The following CLOCK variants were observed in gnomAD, a reference collection of about 807,000 sequenced individuals.
CLOCK encodes the protein circadian locomoter output cycles protein kaput.
In CLOCK, 43 loss-of-function variants were observed where a neutral mutation model predicts 118.4. The ratio of observed to expected loss-of-function variants is 0.36; its 90% CI spans 0.28 to 0.47. CLOCK has a LOEUF of 0.47. CLOCK is among the 20% of genes least tolerant of loss of function. CLOCK has a pLI of 1.00. For missense variants in CLOCK, 846 were observed against 999.9 expected (o/e 0.85, Z 2.08); for synonymous variants, 326 against 339.2 (o/e 0.96, Z 0.43).
intron 1 of CLOCK, among the ~76,000 whole-genome samples, chr4:55,531,343 T>C (rs1176385173): frequency 6.6e-6 from 1 of 151,736 alleles, no homozygotes; most frequent in Non-Finnish European, 1.5e-5. Flanking sequence ...AATCAAGAAA[T>C]AAAAGCAGAT....
At chr4:55,464,581 C>T (rs1400599126) in intron 8 of CLOCK, among the ~76,000 whole-genome samples, 1 of 152,142 alleles carries the variant, frequency 6.6e-6, no homozygotes, top group Admixed American at 6.5e-5. Context: ...ATCTCAAGGC[C>T]TGTAAAGGTA....
At chr4:55,438,099 G>T (rs543777289) in intron 22 of CLOCK, among the ~76,000 whole-genome samples, 183 bp downstream of exon 22, 3 of 152,252 alleles carry the variant, frequency 2.0e-5, no homozygotes, top group Admixed American at 1.3e-4. Flanking sequence ...GTCTTCCAAC[G>T]ACTGAGCAAG....
Position 55,433,683 on chromosome 4 carries a change from T to C in CLOCK, c.*1732A>G, listed in dbSNP as rs988079397. ...ATTCTAATAATGTATTTTCTACTAA[T>C]CCTCTTTTGTTCTATCACTGTAAAT... On this transcript the variant is annotated 3_prime_UTR_variant, in exon 23 of 23. Coordinates refer to ENST00000513440, the MANE Select transcript of CLOCK (RefSeq NM_004898.4). The C allele has an allele frequency of 1.3e-5, 2 of 152,230 alleles. No homozygotes were observed. The highest frequency in any genetic ancestry group is 4.8e-5 in the African/African-American group (2 of 41,472). The allele number at this position is 152,230 out of a possible 1,614,324, so 9.4% of individuals were successfully genotyped here.
At chr4:55,445,190 T>C (rs1723706622) in intron 18 of CLOCK, among the ~76,000 whole-genome samples, 1 of 79,610 alleles carries the variant, frequency 1.3e-5, no homozygotes, top group African/African-American at 3.5e-5. Flanking sequence ...CCCTGAAATG[T>C]AATTTAGTAT....
intron 2 of CLOCK, among the ~76,000 whole-genome samples, chr4:55,497,885 A>G (rs1419528720): frequency 6.6e-6 from 1 of 152,192 alleles, no homozygotes; most frequent in Non-Finnish European, 1.5e-5. Context: ...AAAAAAGATG[A>G]ATTAAACCCC....
intron 2 of CLOCK, among the ~76,000 whole-genome samples, chr4:55,508,017 C>A (rs748857838): frequency 6.6e-6 from 1 of 152,144 alleles, no homozygotes; most frequent in Non-Finnish European, 1.5e-5. Flanking sequence ...AGTCACATAA[C>A]TAAGTGTTCT....
intron 2 of CLOCK, among the ~76,000 whole-genome samples, chr4:55,500,690 C>T (rs1560460890): frequency 6.6e-6 from 1 of 152,184 alleles, no homozygotes; most frequent in East Asian, 1.9e-4. Context: ...GCTTACTCCA[C>T]TTTTGCCTAT....
At chr4:55,448,647 C>T in intron 18 of CLOCK, 132 bp downstream of exon 18, 1 of 559,460 alleles carries the variant, frequency 1.8e-6, no homozygotes, top group South Asian at 1.7e-5. Context: ...TGTGTGTGCT[C>T]CTACCTCAGC....
chr4:55,501,374 G>C (rs1319489695), intron 2 of CLOCK, among the ~76,000 whole-genome samples: 2 of 152,022 alleles, frequency 1.3e-5, no homozygotes, highest in Non-Finnish European at 2.9e-5. Flanking sequence ...GTATTTCAGT[G>C]TACTATAATC....
intron 21 of CLOCK, among the ~76,000 whole-genome samples, chr4:55,440,283 A>G (rs184989725): frequency 5.9e-5 from 9 of 152,342 alleles, no homozygotes; most frequent in Admixed American, 5.9e-4. Flanking sequence ...TCAACGCAGC[A>G]TAGCGTCCTC....
rs1212639354 is a variant in CLOCK at position 55,465,867 on chromosome 4, G to A, written c.439-2062C>T. Among the ~76,000 whole-genome samples the A allele has an allele frequency of 3.3e-5, 5 of 152,130 alleles. No individual in the cohort carries two copies. In the East Asian group the frequency reaches 7.7e-4, roughly 24 times the overall value. On this transcript the variant is annotated intron_variant, in intron 8 of 22. Transcript: ENST00000513440. ...CTCAGGAGGCTGAGGCAGGAGAATCGCTTGAATCCAGGAGGCAGAGGCTGC... is the reference window on the plus strand; with the variant it reads ...CTCAGGAGGCTGAGGCAGGAGAATCACTTGAATCCAGGAGGCAGAGGCTGC...
chr4:55,470,259 G>A lies in CLOCK; in HGVS notation c.438+458C>T, dbSNP rs570219695. Reference sequence around the variant, plus strand: ...CAGGTATACCATTTTTTACCTTTGAGACTGTACTTTTTATTGTACCTTTTC... The same window carrying A: ...CAGGTATACCATTTTTTACCTTTGAAACTGTACTTTTTATTGTACCTTTTC... On this transcript the variant is annotated intron_variant, in intron 8 of 22. Coordinates refer to ENST00000513440, the MANE Select transcript of CLOCK (RefSeq NM_004898.4). Among the ~76,000 whole-genome samples the A allele has an allele frequency of 2.0e-5, 3 of 152,126 alleles. No homozygotes were observed. In the East Asian group the frequency reaches 5.8e-4, roughly 29 times the overall value.
intron 21 of CLOCK, 68 bp from the exon 22 acceptor site, chr4:55,438,605 A>G (rs1259562591): frequency 6.2e-7 from 1 of 1,608,360 alleles, no homozygotes; most frequent in Non-Finnish European, 8.5e-7. Context: ...AACGCAGTGG[A>G]GTAAATACTT....
chr4:55,503,978 T>TAAAAGAAAAAAAAAAAAAAAAAAAAAAA (rs1553900254), intron 2 of CLOCK, among the ~76,000 whole-genome samples: 2 of 71,146 alleles, frequency 2.8e-5, no homozygotes, highest in Admixed American at 2.3e-4. Context: ...CAAAAAGAGG[T>TAAAAGAAAAAAAAAAAAAAAAAAAAAAA]AAAAAAAAAA....
intron 14 of CLOCK, chr4:55,453,336 G>A (rs1390399619): frequency 7.5e-6 from 4 of 531,948 alleles, no homozygotes; most frequent in South Asian, 6.3e-5. Flanking sequence ...TGCTGTAAAC[G>A]ATCCATAACC....
At position 55,430,215 on chromosome 4, in the gene CLOCK, T is replaced by G. The variant is rs1003366735; in HGVS notation, c.*5200A>C. ...CTTAATGCAGCACCTCAGTGTTTGC[T>G]GGTGGTGGTGATGGAATTTCACTTA... On this transcript the variant is annotated 3_prime_UTR_variant, in exon 23 of 23. Transcript: ENST00000513440. 14 of 92,426 alleles carry G rather than the reference T, an allele frequency of 1.5e-4. No individual in the cohort carries two copies. Among genetic ancestry groups the G allele is most frequent in the Non-Finnish European group, 2.3e-4 (8 of 35,260 alleles). The allele number at this position is 92,426 out of a possible 1,614,324, so 5.7% of individuals were successfully genotyped here.
At chr4:55,513,315 T>C (rs1204204956) in intron 1 of CLOCK, among the ~76,000 whole-genome samples, 1 of 152,284 alleles carries the variant, frequency 6.6e-6, no homozygotes, top group East Asian at 1.9e-4. Flanking sequence ...GGCTACACCA[T>C]ACAGCCTAGG....
chr4:55,454,999 T>C (rs1266382007), intron 13 of CLOCK, among the ~76,000 whole-genome samples: 1 of 152,118 alleles, frequency 6.6e-6, no homozygotes, highest in African/African-American at 2.4e-5. Context: ...CCCACATCTT[T>C]TGTGCTGAAA....
chr4:55,471,536 G>A (rs1225955495), intron 7 of CLOCK, among the ~76,000 whole-genome samples: 1 of 152,144 alleles, frequency 6.6e-6, no homozygotes, highest in African/African-American at 2.4e-5. Context: ...AGTAGTATTA[G>A]GAATAAAGAA....
Sources: gnomAD v4.1 joint callset for allele counts (sites outside exome capture counted in the v4.1 genomes callset) on GRCh38, gnomAD v4.1.1 for gene constraint, MANE v1.5 for transcripts, NCBI Gene and HGNC (gene_info 2026-07-23, HGNC 2026-07-21) for gene names.